Variants in LCOR observed in about 807,000 individuals in gnomAD.
LCOR encodes ligand dependent nuclear receptor corepressor.
In LCOR, 14 loss-of-function variants were observed where a neutral mutation model predicts 64.4. That is an observed-to-expected ratio of 0.22 (90% confidence interval 0.14 to 0.34). The LOEUF is 0.34. LCOR is among the 10% of genes least tolerant of loss of function. LCOR has a pLI of 1.00. For synonymous variants in LCOR, 643 were observed against 642.5 expected (o/e 1.00, Z -0.01); for missense variants, 1,686 against 1,765.3 (o/e 0.96, Z 0.80).
chr10:96,932,010 G>T (rs1847269797), intron 4 of LCOR, among the ~76,000 whole-genome samples: 1 of 152,084 alleles, frequency 6.6e-6, no homozygotes, highest in Admixed American at 6.5e-5. Context: ...TTTTGCTGGG[G>T]GGATAGCAGA....
At chr10:96,943,635 G>T (rs1257792071) in intron 4 of LCOR, among the ~76,000 whole-genome samples, 1 of 151,894 alleles carries the variant, frequency 6.6e-6, no homozygotes, top group Admixed American at 6.6e-5. Context: ...TCTTCCTAAT[G>T]GCCTTTTAAA....
At chr10:96,953,664 T>C (rs1644009840) in intron 7 of LCOR, among the ~76,000 whole-genome samples, 1 of 152,270 alleles carries the variant, frequency 6.6e-6, no homozygotes, top group African/African-American at 2.4e-5. Context: ...CTCTGTAAAC[T>C]TGGCTACCAG....
chr10:96,956,518 T>C (rs1847786551), intron 7 of LCOR: 1 of 983,380 alleles, frequency 1.0e-6, no homozygotes, highest in South Asian at 4.7e-5. Flanking sequence ...TTACATTTTA[T>C]AATTTTCTTC....
chr10:96,942,400 C>G (rs1236696284), intron 4 of LCOR, among the ~76,000 whole-genome samples: 2 of 152,146 alleles, frequency 1.3e-5, no homozygotes, highest in East Asian at 3.8e-4. Flanking sequence ...GCAGTACCGT[C>G]CAGCTTTGGC....
chr10:96,837,893 G>A (rs961253657), intron 2 of LCOR, among the ~76,000 whole-genome samples: 6 of 152,166 alleles, frequency 3.9e-5, no homozygotes, highest in South Asian at 2.1e-4. Context: ...CATATTTCCC[G>A]TAAGTCTGTC....
At chr10:96,897,161 G>A (rs1846553740) in intron 2 of LCOR, among the ~76,000 whole-genome samples, 1 of 151,122 alleles carries the variant, frequency 6.6e-6, no homozygotes, top group Admixed American at 6.6e-5. Context: ...TGTAGTTTTG[G>A]TATCTTTGAG....
At chr10:96,913,941 T>C (rs1047323487) in intron 4 of LCOR, among the ~76,000 whole-genome samples, 19 of 152,250 alleles carry the variant, frequency 1.2e-4, no homozygotes, top group Middle Eastern at 6.8e-3. Flanking sequence ...ATCTGTGTTT[T>C]TGAAGAATAT....
At chr10:96,935,054 C>T (rs1239807698) in intron 4 of LCOR, among the ~76,000 whole-genome samples, 1 of 149,164 alleles carries the variant, frequency 6.7e-6, no homozygotes, top group African/African-American at 2.5e-5. Flanking sequence ...CCATACTATA[C>T]AATAATGTAT....
chr10:96,894,182 C>T (rs1846497767), intron 2 of LCOR, among the ~76,000 whole-genome samples: 1 of 152,178 alleles, frequency 6.6e-6, no homozygotes, highest in African/African-American at 2.4e-5. Flanking sequence ...ACCTCCGCCT[C>T]CTGGGTCCAC....
Position 96,995,828 on chromosome 10 carries a change from T to A in LCOR, c.*10694T>A, listed in dbSNP as rs990826366. ...CTGTGTTGTTTCAGATTCTCTTGTT[T>A]GGTTTTGAAGGATGCGGTGTGGAGC... On this transcript the variant is annotated 3_prime_UTR_variant, in exon 8 of 8. Transcript: ENST00000421806. This position sits in a 1 kb window ranked among gnomAD's most constrained non-coding sequence, Gnocchi z 4.2. The A allele has an allele frequency of 3.3e-5, 5 of 152,210 alleles. No individual in the cohort carries two copies. The highest frequency in any genetic ancestry group is 7.2e-5 in the African/African-American group (3 of 41,448). 9.4% of individuals were successfully genotyped at this position (152,210 alleles called of 1,614,324 possible).
chr10:96,983,695 A>G lies in LCOR; in HGVS notation c.3235A>G (p.Ser1079Gly). ...GCCAAAGGAAAATGGAGCTTCAGAGAGTGGAGACCCCCTAGATGAGGACGA... is the reference window on the plus strand; with the variant it reads ...GCCAAAGGAAAATGGAGCTTCAGAGGGTGGAGACCCCCTAGATGAGGACGA... ...IMPKENGASESGDPLDEDDVD... is the reference protein window; with the variant it reads ...IMPKENGASEGGDPLDEDDVD... Residue 1079 changes from serine to glycine, a missense_variant, in exon 8 of 8, where the codon AGT becomes GGT. Transcript: ENST00000421806. The surrounding 1 kb of genome is among the most constrained non-coding windows in gnomAD (Gnocchi z 4.5). 6.2e-7 allele frequency: 1 copy of G among 1,614,188 alleles called. No individual in the cohort carries two copies. The highest frequency in any genetic ancestry group is 8.5e-7 in the Non-Finnish European group (1 of 1,180,030).
chr10:96,923,340 G>T (rs1372480931), intron 4 of LCOR, among the ~76,000 whole-genome samples: 1 of 152,174 alleles, frequency 6.6e-6, no homozygotes, highest in Non-Finnish European at 1.5e-5. Context: ...CTATCCTATA[G>T]TATGAATTTA....
chr10:96,889,392 T>C (rs1846401084), intron 2 of LCOR, among the ~76,000 whole-genome samples: 1 of 152,192 alleles, frequency 6.6e-6, no homozygotes, highest in Non-Finnish European at 1.5e-5. Context: ...TTTCTTATAG[T>C]TCTGAAGGCT....
chr10:96,837,283 T>C (rs551271449), intron 2 of LCOR, among the ~76,000 whole-genome samples: 9 of 146,538 alleles, frequency 6.1e-5, no homozygotes, highest in Middle Eastern at 3.7e-3. Flanking sequence ...AGCCACTGCG[T>C]CCCTCTATGT....
At chr10:96,835,596 T>C (rs1845428722) in intron 2 of LCOR, among the ~76,000 whole-genome samples, 1 of 152,224 alleles carries the variant, frequency 6.6e-6, no homozygotes, top group Non-Finnish European at 1.5e-5. Flanking sequence ...CTTGTTTACT[T>C]CCAGATGTAA....
At chr10:96,970,600 TTTTATTTTATTTTATTTTATTTTA>T (rs1359704701) in intron 7 of LCOR, among the ~76,000 whole-genome samples, 3 of 145,630 alleles carry the variant, frequency 2.1e-5, no homozygotes, top group Admixed American at 6.7e-5. Flanking sequence ...CTAACCAGCA[TTTTATTTTATTTTATTTTATTTTA>T]TTTATTTTAT....
intron 2 of LCOR, among the ~76,000 whole-genome samples, chr10:96,870,236 C>T (rs757903343): frequency 6.6e-6 from 1 of 152,028 alleles, no homozygotes; most frequent in African/African-American, 2.4e-5. Flanking sequence ...TGGTCTCAAT[C>T]TCCTGACCTC....
chr10:96,840,243 C>T (rs971344608), intron 2 of LCOR, among the ~76,000 whole-genome samples: 2 of 152,070 alleles, frequency 1.3e-5, no homozygotes, highest in African/African-American at 2.4e-5. Flanking sequence ...GATTTTTGGT[C>T]TTCTTTTTAT....
intron 6 of LCOR, 117 bp from the exon 7 acceptor site, chr10:96,951,985 AC>A (rs1847688438): frequency 1.6e-6 from 1 of 642,134 alleles, no homozygotes; most frequent in East Asian, 2.7e-5. Flanking sequence ...CAAATATATG[AC>A]TAGCATATCT....
Sources: gnomAD v4.1 joint callset for allele counts (sites outside exome capture counted in the v4.1 genomes callset) on GRCh38, gnomAD v4.1.1 for gene constraint, Gnocchi (gnomAD v3.1) non-coding constraint, MANE v1.5 for transcripts, NCBI Gene and HGNC (gene_info 2026-07-23, HGNC 2026-07-21) for gene names.